Variants in SMCHD1 observed in about 807,000 individuals in gnomAD.
The protein encoded by SMCHD1 is structural maintenance of chromosomes flexible hinge domain-containing protein 1.
SMCHD1 carries 78 observed loss-of-function variants against 254.7 expected under a neutral mutation model. The ratio of observed to expected loss-of-function variants is 0.31; its 90% CI spans 0.26 to 0.37. The LOEUF (loss-of-function observed/expected upper bound fraction) is 0.37, where lower values mean the gene tolerates loss of function less well. SMCHD1 is among the 10% of genes least tolerant of loss of function. SMCHD1 has a pLI of 1.00. For synonymous variants in SMCHD1, 766 were observed against 794.9 expected, an observed-to-expected ratio of 0.96 and a Z score of 0.61; for missense variants, 1,840 against 2,408.1, an observed-to-expected ratio of 0.76 and a Z score of 4.94.
intron 10 of SMCHD1, among the ~76,000 whole-genome samples, chr18:2,699,314 C>T (rs1455891606): frequency 6.6e-6 from 1 of 152,178 alleles, no homozygotes. Flanking sequence ...TATTGTTACT[C>T]AGTGGCTCCA....
At chr18:2,788,645 C>T (rs2076274758) in intron 45 of SMCHD1, among the ~76,000 whole-genome samples, 1 of 151,986 alleles carries the variant, frequency 6.6e-6, no homozygotes, top group Admixed American at 6.6e-5. Flanking sequence ...CGCTCTGTTG[C>T]CCAAGATGGA....
intron 25 of SMCHD1, among the ~76,000 whole-genome samples, chr18:2,737,113 A>C (rs1256996936): frequency 1.3e-5 from 2 of 152,316 alleles, no homozygotes; most frequent in Non-Finnish European, 2.9e-5. Context: ...TAAGTGAATT[A>C]ATGCAGGAAC....
Position 2,718,206 on chromosome 18 carries a change from G to T in SMCHD1, c.2309G>T (p.Gly770Val). Residue 770 changes from glycine to valine, a missense_variant, in exon 18 of 48, where the codon GGA becomes GTA. By Grantham distance (109) the Gly-to-Val change is moderately radical. Coordinates refer to ENST00000320876, the MANE Select transcript of SMCHD1 (RefSeq NM_015295.3). The surrounding 1 kb of genome is among the most constrained non-coding windows in gnomAD (Gnocchi z 4.6). Reference protein sequence around the residue: ...EIISHISQHGGKWPYWFKKME... With the variant: ...EIISHISQHGVKWPYWFKKME... ...ATTTCGCATATTAGTCAACATGGAG[G>T]AAAATGGCCTTACTGGTTTAAAAAA... 1 of 1,613,070 alleles carries T rather than the reference G, an allele frequency of 6.2e-7. No homozygotes were observed. The highest frequency in any genetic ancestry group is 8.5e-7 in the Non-Finnish European group (1 of 1,179,432).
At chr18:2,758,484 C>T (rs1468140872) in intron 34 of SMCHD1, among the ~76,000 whole-genome samples, 1 of 152,106 alleles carries the variant, frequency 6.6e-6, no homozygotes, top group Non-Finnish European at 1.5e-5. Context: ...ATTTTTATTG[C>T]CTACAATCAG....
Position 2,766,616 on chromosome 18 carries a change from A to G in SMCHD1, c.4719+2827A>G, listed in dbSNP as rs562868815. Among the ~76,000 whole-genome samples the G allele has an allele frequency of 2.1e-3, 327 of 152,308 alleles. 1 individual carries two copies. Among genetic ancestry groups the G allele is most frequent in the Non-Finnish European group, 4.1e-3 (276 of 68,032 alleles). On this transcript the variant is annotated intron_variant, in intron 37 of 47. Coordinates refer to ENST00000320876, the MANE Select transcript of SMCHD1 (RefSeq NM_015295.3). ...GAAACACTGGTCTAGAGCACAACCA[A>G]TGTTTGTAAATGTTCCACATTATTG...
At chr18:2,744,283 T>C (rs1388289568) in intron 29 of SMCHD1, among the ~76,000 whole-genome samples, 1 of 152,224 alleles carries the variant, frequency 6.6e-6, no homozygotes, top group Non-Finnish European at 1.5e-5. Flanking sequence ...TTTGTTTTCT[T>C]ATACTAATCT....
At chr18:2,753,531 G>A (rs1297244090) in intron 34 of SMCHD1, among the ~76,000 whole-genome samples, 2 of 152,142 alleles carry the variant, frequency 1.3e-5, no homozygotes. Flanking sequence ...ACATAGATGT[G>A]TGTGTTTAAC....
rs763150582 is a variant in SMCHD1 at position 2,751,375 on chromosome 18, G to T, written c.4263G>T (p.Gly1421=). The T allele has an allele frequency of 6.4e-7, 1 of 1,566,308 alleles. No homozygotes were observed. Among genetic ancestry groups the T allele is most frequent in the Non-Finnish European group, 8.6e-7 (1 of 1,163,100 alleles). The change falls in exon 33 of 48, where the codon GGG becomes GGT. Residue 1421 remains glycine (G), a synonymous_variant. Coordinates refer to ENST00000320876, the MANE Select transcript of SMCHD1 (RefSeq NM_015295.3). Reference sequence around the variant, plus strand: ...AAATGTGGAAGCTGTCTACCAGTGGGAACCGACCCCCAGCAAATGTGAGTC... The same window carrying T: ...AAATGTGGAAGCTGTCTACCAGTGGTAACCGACCCCCAGCAAATGTGAGTC... ...SMKMWKLSTS[G]NRPPANAETF...
chr18:2,726,503 T>C lies in SMCHD1; in HGVS notation c.2752T>C (p.Leu918=). The part of the protein sequence containing the change: ...LPGLKEDSQI[L]KIRLLPGHPR... ...TGGCTTAAAAGAAGACTCACAGATT[T>C]TGAAAATTAGATTACTACCTGGTAA... The change falls in exon 22 of 48, where the codon TTG becomes CTG. Residue 918 remains leucine (L), a synonymous_variant. Coordinates refer to ENST00000320876, the MANE Select transcript of SMCHD1 (RefSeq NM_015295.3). 1 of 1,466,028 alleles carries C rather than the reference T, an allele frequency of 6.8e-7. No individual in the cohort carries two copies. Among genetic ancestry groups the C allele is most frequent in the Non-Finnish European group, 9.2e-7 (1 of 1,082,420 alleles). The allele number at this position is 1,466,028 out of a possible 1,614,324, so 90.8% of individuals were successfully genotyped here. A position where few individuals can be genotyped will look rare whatever the true frequency, so the allele number is the denominator to read the frequency against.
chr18:2,735,431 C>T (rs2075230349), intron 25 of SMCHD1, among the ~76,000 whole-genome samples: 1 of 152,056 alleles, frequency 6.6e-6, no homozygotes, highest in African/African-American at 2.4e-5. Context: ...AAGTTCTACC[C>T]AGAGCAATCA....
At chr18:2,785,885 G>A (rs1358972084) in intron 45 of SMCHD1, among the ~76,000 whole-genome samples, 1 of 152,070 alleles carries the variant, frequency 6.6e-6, no homozygotes, top group Admixed American at 6.5e-5. Flanking sequence ...AATTTCACTT[G>A]GCATAATGTC....
intron 28 of SMCHD1, among the ~76,000 whole-genome samples, chr18:2,741,177 A>G (rs1207510230): frequency 2.0e-5 from 3 of 152,318 alleles, no homozygotes; most frequent in Non-Finnish European, 2.9e-5. Flanking sequence ...TAAACCCTGT[A>G]TTAACAGGAT....
intron 26 of SMCHD1, 109 bp downstream of exon 26, chr18:2,738,654 A>G (rs1568275960): frequency 1.1e-6 from 1 of 947,898 alleles, no homozygotes; most frequent in East Asian, 3.1e-5. Context: ...TCTATGAAAT[A>G]TAATAGATTG....
chr18:2,747,494 T>C (rs760045883), intron 29 of SMCHD1, 28 bp from the exon 30 acceptor site: 1 of 1,563,916 alleles, frequency 6.4e-7, no homozygotes, highest in Non-Finnish European at 8.7e-7. Context: ...TATTTTAGTG[T>C]TTCTTAAAAT....
chr18:2,708,023 A>G (rs965219424), intron 17 of SMCHD1, 103 bp downstream of exon 17: 1 of 615,778 alleles, frequency 1.6e-6, no homozygotes, highest in Admixed American at 3.7e-5. Context: ...TCTGATAGGC[A>G]TAGCAAATTT....
intron 45 of SMCHD1, among the ~76,000 whole-genome samples, chr18:2,790,785 G>A (rs1002055373): frequency 6.6e-6 from 1 of 152,050 alleles, no homozygotes; most frequent in Non-Finnish European, 1.5e-5. Flanking sequence ...CACAGTACAG[G>A]TAGAAGAAAA....
intron 44 of SMCHD1, among the ~76,000 whole-genome samples, chr18:2,781,274 C>T (rs2076153603): frequency 6.6e-6 from 1 of 152,100 alleles, no homozygotes; most frequent in South Asian, 2.1e-4. Context: ...TGGCACTAAG[C>T]GGAAAAGTAA....
chr18:2,714,186 A>T (rs984449303), intron 17 of SMCHD1, among the ~76,000 whole-genome samples: 2 of 152,162 alleles, frequency 1.3e-5, no homozygotes, highest in African/African-American at 4.8e-5. Context: ...TTTGGTACAT[A>T]TATATTTAGA....
At position 2,723,332 on chromosome 18, in the gene SMCHD1, G is replaced by A. The variant is rs143149086; in HGVS notation, c.2603+669G>A. Among the ~76,000 whole-genome samples, 370 of 152,052 alleles carry A rather than the reference G, an allele frequency of 2.4e-3. 1 individual carries two copies. The highest frequency in any genetic ancestry group is 8.2e-3 in the African/African-American group (341 of 41,476). On this transcript the variant is annotated intron_variant, in intron 20 of 47. Coordinates refer to ENST00000320876, the MANE Select transcript of SMCHD1 (RefSeq NM_015295.3). ...TTGTCTCTAGCTTAGTCAGTTGCTT[G>A]TTCTTGGTCTCTAGAGATATCTGGT...
Sources: gnomAD v4.1 joint callset for allele counts (sites outside exome capture counted in the v4.1 genomes callset) on GRCh38, gnomAD v4.1.1 for gene constraint, Gnocchi (gnomAD v3.1) non-coding constraint, MANE v1.5 for transcripts, NCBI Gene and HGNC (gene_info 2026-07-23, HGNC 2026-07-21) for gene names.